Variants in ANKEF1 observed in about 807,000 individuals in gnomAD.
ANKEF1 encodes ankyrin repeat and EF-hand domain-containing protein 1.
Under a neutral mutation model 65.1 loss-of-function variants are expected in ANKEF1, and 43 were observed. That is an observed-to-expected ratio of 0.66 (90% CI 0.52 to 0.85). The LOEUF (loss-of-function observed/expected upper bound fraction) is 0.85, where lower values mean the gene tolerates loss of function less well. Among genes scored for constraint, ANKEF1 ranks in the 40% least tolerant of loss-of-function variants. ANKEF1 has a pLI of 0.00. For missense variants in ANKEF1, 934 were observed against 952.9 expected (o/e 0.98, Z 0.26); for synonymous variants, 316 against 341.5 (o/e 0.93, Z 0.82).
chr20:10,042,976 T>C lies in ANKEF1; in HGVS notation c.347-146T>C, dbSNP rs556982192. On this transcript the variant is annotated intron_variant, in intron 3 of 10. Coordinates refer to ENST00000378392, the MANE Select transcript of ANKEF1 (RefSeq NM_022096.6). ...AAGATTTTTTGTTTTTTGTTTTCTG[T>C]CTTGGTGTTTTAGTTGGTTTCAGAG... 3.0e-5 allele frequency: 22 copies of C among 730,468 alleles called. No individual in the cohort carries two copies. In the African/African-American group the frequency reaches 3.2e-4, roughly 11 times the overall value. The allele number at this position is 730,468 out of a possible 1,614,324, so 45.2% of individuals were successfully genotyped here.
intron 7 of ANKEF1, 44 bp from the exon 8 acceptor site, chr20:10,051,619 T>C (rs375062510): frequency 1.5e-4 from 230 of 1,486,336 alleles, no homozygotes; most frequent in Non-Finnish European, 2.1e-4. Flanking sequence ...GTCCAGTCAT[T>C]GGAAAACCGT....
chr20:10,050,413 A>C (rs1158233263), intron 7 of ANKEF1, among the ~76,000 whole-genome samples: 1 of 152,194 alleles, frequency 6.6e-6, no homozygotes, highest in Non-Finnish European at 1.5e-5. Context: ...GCTTTATTAA[A>C]AATGCTGATT....
At chr20:10,037,978 T>G (rs940644238) in intron 2 of ANKEF1, among the ~76,000 whole-genome samples, 9 of 152,358 alleles carry the variant, frequency 5.9e-5, no homozygotes, top group Middle Eastern at 3.4e-3. Flanking sequence ...TAACCTCAGC[T>G]TCTTCATGGT....
At chr20:10,036,161 G>A (rs1481982068) in intron 2 of ANKEF1, among the ~76,000 whole-genome samples, 3 of 152,332 alleles carry the variant, frequency 2.0e-5, no homozygotes, top group African/African-American at 7.2e-5. Flanking sequence ...GGCTTTAGCT[G>A]GGAGGGAGGC....
intron 6 of ANKEF1, 45 bp downstream of exon 6, chr20:10,045,742 C>T (rs1984485278): frequency 1.2e-6 from 2 of 1,603,370 alleles, no homozygotes; most frequent in Non-Finnish European, 1.7e-6. Flanking sequence ...TTATGATTTA[C>T]CCATGTCATA....
chr20:10,055,518 C>T lies in ANKEF1; in HGVS notation c.2189C>T (p.Ala730Val). The change falls in exon 11 of 11, where the codon GCC (alanine) becomes GTC (valine). Residue 730 changes from alanine (A) to valine (V), a missense_variant. By Grantham distance (64) the Ala-to-Val change is moderately conservative (BLOSUM62 0). Transcript: ENST00000378392. ...CTTTTTAAGATTTGGAGTCCTGAAGCCACAACAGCAGAGCTGATCAGGAAG... is the reference window on the plus strand; with the variant it reads ...CTTTTTAAGATTTGGAGTCCTGAAGTCACAACAGCAGAGCTGATCAGGAAG... ...FIPRRIWSPE[A>V]TTAELIRKRE... The T allele has an allele frequency of 6.2e-7, 1 of 1,613,540 alleles. No individual in the cohort carries two copies. Among genetic ancestry groups the T allele is most frequent in the Non-Finnish European group, 8.5e-7 (1 of 1,179,690 alleles).
In ANKEF1 at chr20:10,044,344, T is replaced by C. The variant is rs570339688; in HGVS notation, c.547-50T>C. ...CTGTATTTGTACTGATTCTGCTACT[T>C]AATATGATGGGTATAAACAGCATCT... is the stretch of plus-strand genomic sequence containing the variant. On this transcript the variant is annotated intron_variant, in intron 4 of 10. Transcript: ENST00000378392. 2.6e-5 allele frequency: 41 copies of C among 1,587,524 alleles called. No individual in the cohort carries two copies. In the South Asian group the frequency reaches 4.3e-4, roughly 17 times the overall value.
intron 9 of ANKEF1, among the ~76,000 whole-genome samples, chr20:10,054,090 T>G (rs1052617812): frequency 6.6e-6 from 1 of 151,688 alleles, no homozygotes; most frequent in Non-Finnish European, 1.5e-5. Flanking sequence ...TGGTAGGGAG[T>G]AGATAGGATG....
chr20:10,037,891 A>G (rs953577786), intron 2 of ANKEF1, among the ~76,000 whole-genome samples: 10 of 152,236 alleles, frequency 6.6e-5, no homozygotes, highest in African/African-American at 1.4e-4. Flanking sequence ...TAAAACCTGC[A>G]TGATCTCTCT....
In ANKEF1 at chr20:10,050,103, T is replaced by A. The variant is rs1984763736; in HGVS notation, c.1534T>A (p.Phe512Ile). Reference protein sequence around the residue: ...AGDLASLKKAFESGIPVDMKD... With the variant: ...AGDLASLKKAIESGIPVDMKD... ...GGATCTGGCTTCTCTGAAAAAGGCC[T>A]TTGAATCAGGAATACCTGTGGATAT... is the stretch of plus-strand genomic sequence containing the variant. Residue 512 changes from phenylalanine (F) to isoleucine (I), a missense_variant, in exon 7 of 11, where the codon TTT becomes ATT. Transcript: ENST00000378392. 1 of 1,614,020 alleles carries A rather than the reference T, an allele frequency of 6.2e-7. No individual in the cohort carries two copies. The highest frequency in any genetic ancestry group is 1.1e-5 in the South Asian group (1 of 91,086).
rs147761471 is a variant in ANKEF1 at position 10,051,130 on chromosome 20, A to C, written c.1644-533A>C. On this transcript the variant is annotated intron_variant, in intron 7 of 10. Coordinates refer to ENST00000378392, the MANE Select transcript of ANKEF1 (RefSeq NM_022096.6). ...AAGATTAGATGAGTTAAAATATGTA[A>C]AGCTCTTGTTAACACAGTAGTTACA... is the stretch of plus-strand genomic sequence containing the variant. Among the ~76,000 whole-genome samples, 557 of 152,248 alleles carry C rather than the reference A, an allele frequency of 3.7e-3. 14 individuals are homozygous for C. The highest frequency in any genetic ancestry group is 0.034 in the Admixed American group (517 of 15,288).
chr20:10,051,620 G>A lies in ANKEF1; in HGVS notation c.1644-43G>A, dbSNP rs746108279. 7 of 1,492,210 alleles carry A rather than the reference G, an allele frequency of 4.7e-6. 1 individual carries two copies. Among genetic ancestry groups the A allele is most frequent in the Middle Eastern group, 1.7e-4 (1 of 5,798 alleles). The allele number at this position is 1,492,210 out of a possible 1,614,324, so 92.4% of individuals were successfully genotyped here. A position where few individuals can be genotyped will look rare whatever the true frequency, so the allele number is the denominator to read the frequency against. ...TTTGCATTTTTAGTGTCCAGTCATT[G>A]GAAAACCGTATTTTTAGTTTGTTCA... is the stretch of plus-strand genomic sequence containing the variant. On this transcript the variant is annotated intron_variant, in intron 7 of 10. Transcript: ENST00000378392.
At chr20:10,045,830 A>G in intron 6 of ANKEF1, 133 bp downstream of exon 6, 4 of 819,954 alleles carry the variant, frequency 4.9e-6, no homozygotes, top group Non-Finnish European at 5.6e-6. Flanking sequence ...ATATGTAGAA[A>G]GAAAATTGAA....
At chr20:10,045,995 G>T (rs1046068078) in intron 6 of ANKEF1, among the ~76,000 whole-genome samples, 2 of 152,136 alleles carry the variant, frequency 1.3e-5, no homozygotes, top group African/African-American at 2.4e-5. Flanking sequence ...TGAGGGCGGG[G>T]TGTGGTGGCT....
Position 10,043,133 on chromosome 20 carries a change from T to C in ANKEF1, c.358T>C (p.Tyr120His), listed in dbSNP as rs1212443763. 10 of 1,614,014 alleles carry C rather than the reference T, an allele frequency of 6.2e-6. No homozygotes were observed. The highest frequency in any genetic ancestry group is 8.5e-6 in the Non-Finnish European group (10 of 1,179,988). ...VDNEGKGVLF[Y>H]CILPTKRHYR... The stretch of plus-strand genomic sequence containing the variant: ...TTATTTCTCTGCAGGTGTTTTGTTT[T>C]ACTGCATTTTACCGACTAAGCGGCA... The change falls in exon 4 of 11, where the codon TAC (tyrosine) becomes CAC (histidine). Residue 120 changes from tyrosine (Y) to histidine (H), a missense_variant. Tyr to His is a moderately conservative substitution (Grantham distance 83, BLOSUM62 2). Coordinates refer to ENST00000378392, the MANE Select transcript of ANKEF1 (RefSeq NM_022096.6).
chr20:10,041,893 G>A (rs932647110), intron 3 of ANKEF1, among the ~76,000 whole-genome samples: 3 of 152,108 alleles, frequency 2.0e-5, no homozygotes, highest in Non-Finnish European at 2.9e-5. Context: ...GACTATACAT[G>A]TCTGTTGTTT....
rs761641099 is a variant in ANKEF1 at position 10,050,141 on chromosome 20, T to C, written c.1572T>C (p.Tyr524=). The change falls in exon 7 of 11, where the codon TAT becomes TAC. Residue 524 remains tyrosine, a synonymous_variant. Coordinates refer to ENST00000378392, the MANE Select transcript of ANKEF1 (RefSeq NM_022096.6). ...SGIPVDMKDN[Y]YKTPLMTACA... is the part of the protein sequence containing the mutation. ...TACCTGTGGATATGAAGGATAATTA[T>C]TACAAAACTCCGCTAATGACGGCGT... The C allele has an allele frequency of 3.7e-6, 6 of 1,614,008 alleles. No individual in the cohort carries two copies. In the Admixed American group the frequency reaches 1.0e-4, roughly 27 times the overall value.
rs1396260925 is a variant in ANKEF1 at position 10,054,477 on chromosome 20, A to G, written c.2050A>G (p.Ile684Val). ...IKKEEELLSSIYGVPTTSEGK... is the reference protein window; with the variant it reads ...IKKEEELLSSVYGVPTTSEGK... ...TTGTTTCCAGGAACTGCTGTCATCA[A>G]TTTATGGTGTACCAACCACATCAGA... The change falls in exon 10 of 11, where the codon ATT (isoleucine) becomes GTT (valine). Residue 684 changes from isoleucine (I) to valine (V), a missense_variant. By Grantham distance (29) the Ile-to-Val change is conservative (BLOSUM62 3). Coordinates refer to ENST00000378392, the MANE Select transcript of ANKEF1 (RefSeq NM_022096.6). The G allele has an allele frequency of 4.5e-6, 7 of 1,563,604 alleles. No homozygotes were observed. The highest frequency in any genetic ancestry group is 6.0e-6 in the Non-Finnish European group (7 of 1,162,670).
chr20:10,047,545 A>C (rs1035428083), intron 6 of ANKEF1, among the ~76,000 whole-genome samples: 29 of 152,258 alleles, frequency 1.9e-4, no homozygotes, highest in African/African-American at 6.7e-4. Context: ...TTCATTTCTC[A>C]CATTTCCTCA....
Sources: allele counts gnomAD v4.1 joint callset (sites outside exome capture counted in the v4.1 genomes callset), GRCh38; gene constraint gnomAD v4.1.1; transcripts MANE v1.5; gene names NCBI Gene and HGNC (gene_info 2026-07-23, HGNC 2026-07-21).